The following LRP1B variants were observed in gnomAD, a reference collection of about 807,000 sequenced individuals.
LRP1B encodes LDL receptor related protein 1B.
A neutral mutation model predicts 556.6 loss-of-function variants in LRP1B; 217 were observed. The observed-to-expected ratio is 0.39, with a 90% CI of 0.35 to 0.44. The LOEUF is 0.44. Among genes scored for constraint, LRP1B ranks in the 20% least tolerant of loss-of-function variants. The probability of loss-of-function intolerance (pLI) is 1.00; values close to 1 mark genes in which losing one functional copy is unlikely to be tolerated. For missense variants in LRP1B, 5,053 were observed against 5,620.8 expected, an observed-to-expected ratio of 0.90 and a Z score of 3.23; for synonymous variants, 2,047 against 1,865.8, an observed-to-expected ratio of 1.10 and a Z score of -2.50.
chr2:140,365,273 C>A (rs184636875), intron 71 of LRP1B, among the ~76,000 whole-genome samples: 3 of 151,554 alleles, frequency 2.0e-5, no homozygotes, highest in Admixed American at 2.0e-4. Context: ...CACAAAGAAA[C>A]GATTTTTTAA....
chr2:140,389,665 G>A (rs936281310), intron 66 of LRP1B, among the ~76,000 whole-genome samples: 3 of 146,860 alleles, frequency 2.0e-5, no homozygotes, highest in African/African-American at 7.5e-5. Context: ...TTATGGATTA[G>A]AAAACTGAAA....
intron 1 of LRP1B, among the ~76,000 whole-genome samples, chr2:142,046,680 G>A (rs13432503): frequency 0.019 from 2,942 of 152,052 alleles, 37 homozygotes; most frequent in African/African-American, 0.026. Context: ...AGACTGATCA[G>A]TATAATATAG....
In LRP1B at chr2:141,049,161, C is replaced by A. The variant is rs1698965253; in HGVS notation, c.1614G>T (p.Met538Ile). 1 of 1,613,598 alleles carries A rather than the reference C, an allele frequency of 6.2e-7. No homozygotes were observed. The highest frequency in any genetic ancestry group is 8.5e-7 in the Non-Finnish European group (1 of 1,179,712). Residue 538 changes from methionine to isoleucine, a missense_variant, in exon 11 of 91, where the codon ATG becomes ATT. Physicochemically the swap from Met to Ile is conservative, Grantham distance 10 (BLOSUM62 1). Around this residue, in one of 5 missense-constraint regions of LRP1B, gnomAD observed 3,619 missense variants for 3,931.9 expected, o/e 0.92. Coordinates refer to ENST00000389484, the MANE Select transcript of LRP1B (RefSeq NM_018557.3). ...GKGRPGIVRG[M>I]DLNTKIADEY... The stretch of plus-strand genomic sequence containing the variant: ...CATCAGCTATCTTGGTATTCAAGTC[C>A]ATTCCTCTAACAATTCCTGGGCGTC...
intron 58 of LRP1B, among the ~76,000 whole-genome samples, chr2:140,486,733 A>G (rs2105365222): frequency 6.6e-6 from 1 of 152,030 alleles, no homozygotes. Flanking sequence ...TATTTGTTCC[A>G]TCTAACCATT....
At chr2:140,258,995 C>A (rs909830179) in intron 86 of LRP1B, among the ~76,000 whole-genome samples, 5 of 152,102 alleles carry the variant, frequency 3.3e-5, no homozygotes, top group African/African-American at 1.2e-4. Context: ...AGCTGTGACA[C>A]TTCATATTTC....
chr2:141,685,310 T>A (rs1574239960), intron 2 of LRP1B, among the ~76,000 whole-genome samples: 1 of 152,102 alleles, frequency 6.6e-6, no homozygotes, highest in Non-Finnish European at 1.5e-5. Flanking sequence ...TAGATGATTA[T>A]ATTTGGGACT....
chr2:140,434,312 C>T (rs1216448986), intron 66 of LRP1B, among the ~76,000 whole-genome samples: 1 of 151,978 alleles, frequency 6.6e-6, no homozygotes, highest in Admixed American at 6.6e-5. Context: ...TCAGGTGATC[C>T]ATCCACTTCA....
At chr2:140,952,051 C>A (rs1025400132) in intron 18 of LRP1B, 111 bp from the exon 19 acceptor site, 6 of 750,016 alleles carry the variant, frequency 8.0e-6, no homozygotes, top group Non-Finnish European at 1.4e-5. Context: ...TCTACAAAGG[C>A]ACAGAGGAAA....
chr2:142,020,476 T>C (rs1428027732), intron 1 of LRP1B, among the ~76,000 whole-genome samples: 3 of 152,212 alleles, frequency 2.0e-5, no homozygotes. Context: ...GACAGTATAC[T>C]AACATGTACA....
chr2:140,836,600 TG>T (rs1323636321), intron 31 of LRP1B, among the ~76,000 whole-genome samples: 1 of 152,138 alleles, frequency 6.6e-6, no homozygotes, highest in Non-Finnish European at 1.5e-5. Flanking sequence ...ACATTGCTCA[TG>T]GTAGGGAGAT....
At chr2:141,278,967 T>C (rs12995803) in intron 3 of LRP1B, among the ~76,000 whole-genome samples, 15,629 of 152,174 alleles carry the variant, frequency 0.1, 1,032 homozygotes, top group Admixed American at 0.17. Context: ...TTCCGTTTTA[T>C]TGGAGGGGAT....
At chr2:141,769,502 G>A (rs1162371036) in intron 2 of LRP1B, among the ~76,000 whole-genome samples, 1 of 152,170 alleles carries the variant, frequency 6.6e-6, no homozygotes, top group Non-Finnish European at 1.5e-5. Context: ...TGTGGTGTTG[G>A]TTCGAATCAG....
At position 140,867,844 on chromosome 2, in the gene LRP1B, G is replaced by A. The variant is rs772543858; in HGVS notation, c.4335-10C>T. 2.0e-6 allele frequency: 3 copies of A among 1,510,296 alleles called. No homozygotes were observed. Among genetic ancestry groups the A allele is most frequent in the African/African-American group, 2.8e-5 (2 of 71,304 alleles). The allele number at this position is 1,510,296 out of a possible 1,614,324, so 93.6% of individuals were successfully genotyped here. ...ATAAATAGCATCTGACCTACAGAAAGATAAATACATGAGTAGTTTGTCAAA... is the reference window on the plus strand; with the variant it reads ...ATAAATAGCATCTGACCTACAGAAAAATAAATACATGAGTAGTTTGTCAAA... On this transcript the variant is annotated splice_polypyrimidine_tract_variant and intron_variant, in intron 26 of 90. Transcript: ENST00000389484.
At chr2:140,777,539 A>C (rs1282326745) in intron 32 of LRP1B, among the ~76,000 whole-genome samples, 1 of 152,208 alleles carries the variant, frequency 6.6e-6, no homozygotes, top group Admixed American at 6.5e-5. Flanking sequence ...TCATAAAGGT[A>C]AAAGACATCC....
At chr2:141,002,105 AAAT>A (rs1272002183) in intron 15 of LRP1B, among the ~76,000 whole-genome samples, 4 of 152,092 alleles carry the variant, frequency 2.6e-5, no homozygotes, top group African/African-American at 9.7e-5. Context: ...AAGAATTAAA[AAAT>A]AATACCACAG....
chr2:140,351,554 CCATTA>C (rs1248538699), intron 76 of LRP1B, among the ~76,000 whole-genome samples: 1 of 151,968 alleles, frequency 6.6e-6, no homozygotes, highest in Admixed American at 6.6e-5. Flanking sequence ...AGTATTTATT[CCATTA>C]AAGTTCTATA....
At chr2:141,601,831 G>C (rs72855478) in intron 2 of LRP1B, among the ~76,000 whole-genome samples, 4,311 of 152,126 alleles carry the variant, frequency 0.028, 96 homozygotes, top group South Asian at 0.068. Context: ...TTGAACTAAT[G>C]ATCTCAAGTG....
chr2:141,189,911 C>G lies in LRP1B; in HGVS notation c.851-1328G>C, dbSNP rs571136601. 5.3e-5 allele frequency among the ~76,000 whole-genome samples: 8 copies of G among 151,610 alleles called. No individual in the cohort carries two copies. The South Asian group carries it at 1.7e-3, about 32-fold the overall frequency. ...TGGGTTTTCTCTGAAGTTCCCTTATCTGACAAAGTGAAGTTCCTTTAGAAG... is the reference window on the plus strand; with the variant it reads ...TGGGTTTTCTCTGAAGTTCCCTTATGTGACAAAGTGAAGTTCCTTTAGAAG... On this transcript the variant is annotated intron_variant, in intron 6 of 90. Transcript: ENST00000389484.
chr2:141,971,963 C>G (rs1365652038), intron 1 of LRP1B, among the ~76,000 whole-genome samples: 2 of 151,416 alleles, frequency 1.3e-5, no homozygotes, highest in African/African-American at 2.4e-5. Context: ...TCACTAGTCT[C>G]TTTTCATTTT....
Sources: allele counts gnomAD v4.1 joint callset (sites outside exome capture counted in the v4.1 genomes callset), GRCh38; gene constraint gnomAD v4.1.1; regional missense constraint gnomAD v4.1.1; transcripts MANE v1.5; gene names NCBI Gene and HGNC (gene_info 2026-07-23, HGNC 2026-07-21).